The following USH1C variants were observed in gnomAD, a reference collection of about 807,000 sequenced individuals.
USH1C encodes USH1 protein network component harmonin, also known as harmonin.
Under a neutral mutation model 119.3 loss-of-function variants are expected in USH1C, and 90 were observed. The ratio of observed to expected loss-of-function variants is 0.75; its 90% CI spans 0.64 to 0.90. The LOEUF (loss-of-function observed/expected upper bound fraction) is 0.90. Among genes scored for constraint, USH1C ranks in the 40% least tolerant of loss-of-function variants. USH1C has a pLI of 0.00. For missense variants in USH1C, 1,165 were observed against 1,167.7 expected, an observed-to-expected ratio of 1.00 and a Z score of 0.03; for synonymous variants, 465 against 443.3, an observed-to-expected ratio of 1.05 and a Z score of -0.62.
chr11:17,510,773 T>C (rs1305709456), intron 16 of USH1C, among the ~76,000 whole-genome samples: 2 of 152,124 alleles, frequency 1.3e-5, no homozygotes, highest in East Asian at 1.9e-4. Context: ...TTATGTATTG[T>C]GAGGGATTAG....
intron 21 of USH1C, among the ~76,000 whole-genome samples, 178 bp downstream of exon 21, chr11:17,501,761 G>A (rs1387657352): frequency 6.6e-6 from 1 of 152,104 alleles, no homozygotes; most frequent in African/African-American, 2.4e-5. Context: ...GTTCACACTG[G>A]AGTGCCCTTT....
At chr11:17,540,472 T>C (rs895319993) in intron 1 of USH1C, among the ~76,000 whole-genome samples, 1 of 152,076 alleles carries the variant, frequency 6.6e-6, no homozygotes, top group Non-Finnish European at 1.5e-5. Flanking sequence ...ACCTCATTCA[T>C]CTCAGGGGTT....
At chr11:17,541,423 G>C (rs1187888491) in intron 1 of USH1C, among the ~76,000 whole-genome samples, 4 of 152,172 alleles carry the variant, frequency 2.6e-5, no homozygotes, top group Admixed American at 2.6e-4. Context: ...CCTAGAGAGT[G>C]GTGGCTCTTT....
chr11:17,533,782 G>A (rs1487761503), intron 1 of USH1C: 2 of 457,864 alleles, frequency 4.4e-6, no homozygotes, highest in Non-Finnish European at 8.8e-6. Context: ...CGCTTAGATA[G>A]CACATGCCAC....
intron 19 of USH1C, among the ~76,000 whole-genome samples, 186 bp downstream of exon 19, chr11:17,505,644 G>A (rs1455176087): frequency 6.6e-6 from 1 of 152,232 alleles, no homozygotes; most frequent in Admixed American, 6.5e-5. Flanking sequence ...AAATTCCACT[G>A]GTCATGTCAA....
intron 1 of USH1C, among the ~76,000 whole-genome samples, chr11:17,537,127 A>G (rs1036418397): frequency 6.6e-6 from 1 of 152,266 alleles, no homozygotes; most frequent in Non-Finnish European, 1.5e-5. Flanking sequence ...CTGAACGTGC[A>G]GTAACAATAC....
rs936832773 is a variant in USH1C at position 17,494,134 on chromosome 11, C to T, written c.*198G>A. 15 of 643,534 alleles carry T rather than the reference C, an allele frequency of 2.3e-5. 1 individual carries two copies. The highest frequency in any genetic ancestry group is 4.2e-5 in the Non-Finnish European group (15 of 360,734). 39.9% of individuals were successfully genotyped at this position (643,534 alleles called of 1,614,324 possible). A position where few individuals can be genotyped will look rare whatever the true frequency, so the allele number is the denominator to read the frequency against. ...TCTTCTCCCAAATGGCTGGCTGCTC[C>T]CTTTCCTCCACGTTGGCCTTCAGAA... On this transcript the variant is annotated 3_prime_UTR_variant, in exon 27 of 27. Coordinates refer to ENST00000005226, the MANE Select transcript of USH1C (RefSeq NM_153676.4).
At chr11:17,510,677 C>T (rs1849850468) in intron 16 of USH1C, among the ~76,000 whole-genome samples, 156 bp from the exon 17 acceptor site, 3 of 152,100 alleles carry the variant, frequency 2.0e-5, no homozygotes, top group South Asian at 4.1e-4. Context: ...CCAACTGGCC[C>T]TCAAGGAGGC....
intron 15 of USH1C, chr11:17,514,542 C>T (rs1167535559): frequency 2.0e-5 from 3 of 152,170 alleles, no homozygotes; most frequent in Admixed American, 2.0e-4. Context: ...AATTTATGCA[C>T]AGATATCATG....
intron 9 of USH1C, 104 bp downstream of exon 9, chr11:17,524,347 T>G: frequency 7.8e-7 from 1 of 1,274,302 alleles, no homozygotes; most frequent in Non-Finnish European, 1.1e-6. Flanking sequence ...CAGTGTCCAC[T>G]GAAAGAGGGC....
intron 15 of USH1C, chr11:17,514,461 C>T (rs1021454115): frequency 1.3e-5 from 2 of 152,230 alleles, no homozygotes; most frequent in African/African-American, 2.4e-5. Flanking sequence ...TCACGTGATT[C>T]GCCTGTCTTG....
intron 15 of USH1C, among the ~76,000 whole-genome samples, chr11:17,512,942 A>G (rs566264984): frequency 1.3e-5 from 2 of 152,130 alleles, no homozygotes; most frequent in Non-Finnish European, 2.9e-5. Flanking sequence ...TGCTTCTCTC[A>G]TGGGGTTGCA....
chr11:17,525,019 T>C (rs1850597863), intron 8 of USH1C, among the ~76,000 whole-genome samples: 1 of 152,138 alleles, frequency 6.6e-6, no homozygotes, highest in South Asian at 2.1e-4. Context: ...GATCCCTTAT[T>C]CTATCCCAAG....
At chr11:17,512,407 C>T (rs1285539931) in intron 15 of USH1C, among the ~76,000 whole-genome samples, 1 of 152,146 alleles carries the variant, frequency 6.6e-6, no homozygotes, top group Non-Finnish European at 1.5e-5. Flanking sequence ...AATGAAATAA[C>T]ATCCATGAAA....
Position 17,524,476 on chromosome 11 carries a change from G to C in USH1C, c.734C>G (p.Ser245Cys), listed in dbSNP as rs1221670905. Reference protein sequence around the residue: ...GIFISHVKPGSLSAEVGLEIG... With the variant: ...GIFISHVKPGCLSAEVGLEIG... The stretch of plus-strand genomic sequence containing the variant: ...CTCCAATCCCACCTCAGCAGACAGG[G>C]AGCCAGGTTTCACATGGCTGATAAA... The change falls in exon 9 of 27, where the codon TCC becomes TGC. Residue 245 changes from serine to cysteine, a missense_variant. Coordinates refer to ENST00000005226, the MANE Select transcript of USH1C (RefSeq NM_153676.4). 2.5e-6 allele frequency: 4 copies of C among 1,574,976 alleles called. No individual in the cohort carries two copies. Among genetic ancestry groups the C allele is most frequent in the Admixed American group, 1.8e-5 (1 of 55,778 alleles).
In USH1C at chr11:17,527,032, G is replaced by A. The variant is rs1565057952; in HGVS notation, c.505C>T (p.Leu169=). ...GCCTCTCACCTTTTCACGGGGATCA[G>A]GCCGATGTCTGCGGGAGAAAGGCAC... is the stretch of plus-strand genomic sequence containing the variant. ...TVSIKVRHIG[L]IPVKSSPDEP... The change falls in exon 6 of 27, where the codon CTG becomes TTG. Residue 169 remains leucine (L), a synonymous_variant. Transcript: ENST00000005226. The A allele has an allele frequency of 1.3e-6, 2 of 1,558,384 alleles. No homozygotes were observed. Among genetic ancestry groups the A allele is most frequent in the South Asian group, 1.2e-5 (1 of 84,484 alleles).
At chr11:17,504,262 G>T (rs1198723058) in intron 20 of USH1C, among the ~76,000 whole-genome samples, 4 of 152,168 alleles carry the variant, frequency 2.6e-5, no homozygotes, top group African/African-American at 9.7e-5. Context: ...GAAGAAGAGG[G>T]GAAGGTACAG....
intron 17 of USH1C, 65 bp from the exon 18 acceptor site, chr11:17,509,903 C>A: frequency 6.6e-7 from 1 of 1,522,556 alleles, no homozygotes; most frequent in South Asian, 1.2e-5. Flanking sequence ...CACAATACAG[C>A]GAGCACTATG....
In USH1C at chr11:17,501,574, T is replaced by G. The variant is rs201211922; in HGVS notation, c.2227-39A>C. ...GACAGTGGGAAGCTTTGAGCTGGCC[T>G]GAAGGATGGCGCTTGGGGTAGGGCT... On this transcript the variant is annotated intron_variant, in intron 21 of 26. Transcript: ENST00000005226. 74 of 1,597,660 alleles carry G rather than the reference T, an allele frequency of 4.6e-5. No individual in the cohort carries two copies. In the Admixed American group the frequency reaches 9.9e-4, roughly 21 times the overall value.
Sources: allele counts gnomAD v4.1 joint callset (sites outside exome capture counted in the v4.1 genomes callset), GRCh38; gene constraint gnomAD v4.1.1; transcripts MANE v1.5; gene names NCBI Gene and HGNC (gene_info 2026-07-23, HGNC 2026-07-21).